The following MSRB2 variants were observed in gnomAD, a reference collection of about 807,000 sequenced individuals.
MSRB2 encodes methionine-R-sulfoxide reductase B2, mitochondrial.
Under a neutral mutation model 19.0 loss-of-function variants are expected in MSRB2, and 17 were observed. The ratio of observed to expected loss-of-function variants is 0.89; its 90% CI spans 0.61 to 1.34. The LOEUF (loss-of-function observed/expected upper bound fraction) is 1.34, where lower values mean the gene tolerates loss of function less well. Ranked by LOEUF, MSRB2 falls within the 40% of genes most tolerant of loss-of-function variation. The pLI, the probability that MSRB2 is intolerant of heterozygous loss-of-function variation, is 0.00. For synonymous variants in MSRB2, 107 were observed against 99.7 expected, an observed-to-expected ratio of 1.07 and a Z score of -0.44; for missense variants, 208 against 237.6, an observed-to-expected ratio of 0.88 and a Z score of 0.82.
chr10:23,113,897 A>G (rs914437501), intron 3 of MSRB2, among the ~76,000 whole-genome samples: 1 of 152,186 alleles, frequency 6.6e-6, no homozygotes, highest in Non-Finnish European at 1.5e-5. Flanking sequence ...TTGGACTTCT[A>G]TCTTCAAGAT....
intron 3 of MSRB2, 98 bp from the exon 4 acceptor site, chr10:23,119,206 G>A (rs1419668110): frequency 7.6e-6 from 11 of 1,453,164 alleles, no homozygotes; most frequent in Middle Eastern, 1.7e-4. Context: ...AGGAGAGTGG[G>A]AACAGATCCT....
At chr10:23,115,513 A>G (rs1017543652) in intron 3 of MSRB2, among the ~76,000 whole-genome samples, 5 of 152,216 alleles carry the variant, frequency 3.3e-5, no homozygotes, top group African/African-American at 7.2e-5. Context: ...GTTGTCAGTT[A>G]TCACCAAGTG....
At position 23,120,952 on chromosome 10, in the gene MSRB2, A is replaced by G; in HGVS notation, c.*90A>G. On this transcript the variant is annotated 3_prime_UTR_variant, in exon 5 of 5. Coordinates refer to ENST00000376510, the MANE Select transcript of MSRB2 (RefSeq NM_012228.4). ...TTGAATGACTTGTTTTATTTGCAAT[A>G]AAACTGGGCTGAATTTGCTGCTGTC... 1 of 1,008,324 alleles carries G rather than the reference A, an allele frequency of 9.9e-7. No individual in the cohort carries two copies. Among genetic ancestry groups the G allele is most frequent in the Non-Finnish European group, 1.5e-6 (1 of 671,024 alleles). 62.5% of individuals were successfully genotyped at this position (1,008,324 alleles called of 1,614,324 possible).
chr10:23,111,711 T>C (rs779619636), intron 3 of MSRB2, among the ~76,000 whole-genome samples: 2 of 152,210 alleles, frequency 1.3e-5, no homozygotes, highest in African/African-American at 2.4e-5. Context: ...TATCTGGCCA[T>C]GTGGTAGCTG....
At chr10:23,117,587 G>A (rs1024973029) in intron 3 of MSRB2, among the ~76,000 whole-genome samples, 13 of 152,090 alleles carry the variant, frequency 8.5e-5, no homozygotes, top group Middle Eastern at 3.4e-3. Flanking sequence ...CTGAAAATTC[G>A]AAATCTGAAA....
At chr10:23,111,990 G>A (rs1024808944) in intron 3 of MSRB2, among the ~76,000 whole-genome samples, 2 of 151,896 alleles carry the variant, frequency 1.3e-5, no homozygotes, top group Non-Finnish European at 2.9e-5. Context: ...TGTGGCCAGA[G>A]GCTACTATAT....
Position 23,095,669 on chromosome 10 carries a change from G to C in MSRB2, c.61G>C (p.Val21Leu). The C allele has an allele frequency of 7.4e-7, 1 of 1,354,118 alleles. No homozygotes were observed. Among genetic ancestry groups the C allele is most frequent in the South Asian group, 1.8e-5 (1 of 54,566 alleles). 83.9% of individuals were successfully genotyped at this position (1,354,118 alleles called of 1,614,324 possible). The change falls in exon 1 of 5, where the codon GTG (valine) becomes CTG (leucine). Residue 21 changes from valine (V) to leucine (L), a missense_variant. Transcript: ENST00000376510. ...CCTCGGAACTGCGCCTCGGCGGGCG[G>C]TGCGGGGCCAAGCGGGCGGCGGCGG... is the stretch of plus-strand genomic sequence containing the variant. ...LTLGTAPRRA[V>L]RGQAGGGGPG...
chr10:23,107,824 C>G (rs1840000066), intron 2 of MSRB2, among the ~76,000 whole-genome samples: 1 of 152,184 alleles, frequency 6.6e-6, no homozygotes, highest in Non-Finnish European at 1.5e-5. Context: ...GAGATAGAAG[C>G]TGAGTTTAAC....
chr10:23,114,314 C>T (rs1285725611), intron 3 of MSRB2, among the ~76,000 whole-genome samples: 1 of 147,382 alleles, frequency 6.8e-6, no homozygotes, highest in Non-Finnish European at 1.5e-5. Context: ...TGAGCCACTG[C>T]ACTCCAGCCT....
At chr10:23,119,891 A>G (rs981231047) in intron 4 of MSRB2, among the ~76,000 whole-genome samples, 4 of 151,950 alleles carry the variant, frequency 2.6e-5, no homozygotes, top group Non-Finnish European at 5.9e-5. Context: ...CACCACACCC[A>G]GCCCAGAACA....
chr10:23,097,696 T>G (rs1294187608), intron 1 of MSRB2, among the ~76,000 whole-genome samples: 1 of 152,200 alleles, frequency 6.6e-6, no homozygotes, highest in African/African-American at 2.4e-5. Context: ...ACTTCAGATT[T>G]TTTTTCCTTC....
At chr10:23,112,830 C>T (rs188659168) in intron 3 of MSRB2, among the ~76,000 whole-genome samples, 36 of 152,262 alleles carry the variant, frequency 2.4e-4, no homozygotes, top group Middle Eastern at 3.4e-3. Context: ...GTGATCCACC[C>T]GCTTTGGCCT....
intron 1 of MSRB2, among the ~76,000 whole-genome samples, chr10:23,100,808 A>G (rs955998517): frequency 1.3e-5 from 2 of 152,196 alleles, no homozygotes; most frequent in Non-Finnish European, 2.9e-5. Flanking sequence ...AAACCATATC[A>G]GAGGCAGTCA....
In MSRB2 at chr10:23,119,320, T is replaced by C; in HGVS notation, c.313T>C (p.Cys105Arg). 6.2e-7 allele frequency: 1 copy of C among 1,614,068 alleles called. No homozygotes were observed. Among genetic ancestry groups the C allele is most frequent in the African/African-American group, 1.3e-5 (1 of 75,036 alleles). The change falls in exon 4 of 5, where the codon TGC (cysteine) becomes CGC (arginine). Residue 105 changes from cysteine to arginine, a missense_variant. By Grantham distance (180) the Cys-to-Arg change is radical. Coordinates refer to ENST00000376510, the MANE Select transcript of MSRB2 (RefSeq NM_012228.4). ...CTTCCACAGTTCTGAGAAAAAGTAC[T>C]GCTCTGGCACTGGGTGGCCTTCGTT... is the stretch of plus-strand genomic sequence containing the variant. ...SPLFSSEKKY[C>R]SGTGWPSFSE...
chr10:23,119,741 C>A (rs753463386), intron 4 of MSRB2, among the ~76,000 whole-genome samples: 2 of 152,080 alleles, frequency 1.3e-5, no homozygotes, highest in Admixed American at 6.5e-5. Context: ...ATTACAGGTG[C>A]CTGCCACCAC....
chr10:23,116,017 G>A (rs900399795), intron 3 of MSRB2, among the ~76,000 whole-genome samples: 2 of 152,072 alleles, frequency 1.3e-5, no homozygotes, highest in African/African-American at 4.8e-5. Flanking sequence ...CCCTGGAGGA[G>A]GGTTGCAAAG....
In MSRB2 at chr10:23,100,111, C is replaced by T. The variant is rs569534928; in HGVS notation, c.119-4033C>T. On this transcript the variant is annotated intron_variant, in intron 1 of 4. Coordinates refer to ENST00000376510, the MANE Select transcript of MSRB2 (RefSeq NM_012228.4). The stretch of plus-strand genomic sequence containing the variant: ...AACCTTTGTACCTGAAGTTGGTCCT[C>T]TTACCTATCTACAGGAATAATGCAA... Among the ~76,000 whole-genome samples the T allele has an allele frequency of 7.9e-4, 121 of 152,322 alleles. 5 individuals carry two copies. In the South Asian group the frequency reaches 0.023, roughly 29 times the overall value.
intron 1 of MSRB2, among the ~76,000 whole-genome samples, chr10:23,101,382 A>G (rs913068669): frequency 2.0e-5 from 3 of 152,172 alleles, no homozygotes; most frequent in Non-Finnish European, 2.9e-5. Context: ...GTCTATATAT[A>G]TACCATCATT....
At chr10:23,113,404 T>C (rs985643823) in intron 3 of MSRB2, among the ~76,000 whole-genome samples, 1 of 152,194 alleles carries the variant, frequency 6.6e-6, no homozygotes, top group Non-Finnish European at 1.5e-5. Context: ...TTTTTTAATC[T>C]GCTTCAAATT....
Sources: allele counts gnomAD v4.1 joint callset (sites outside exome capture counted in the v4.1 genomes callset), GRCh38; gene constraint gnomAD v4.1.1; transcripts MANE v1.5; gene names NCBI Gene and HGNC (gene_info 2026-07-23, HGNC 2026-07-21).